ARHGAP15: variants seen among roughly 807,000 people sequenced by gnomAD.
ARHGAP15 encodes the protein rho GTPase-activating protein 15.
Under a neutral mutation model 63.7 loss-of-function variants are expected in ARHGAP15, and 51 were observed. The ratio of observed to expected loss-of-function variants is 0.80; its 90% CI spans 0.64 to 1.01. ARHGAP15 has a LOEUF of 1.01. Ranked by LOEUF, ARHGAP15 falls within the 50% of genes least tolerant of loss-of-function variation. The pLI, the probability that ARHGAP15 is intolerant of heterozygous loss-of-function variation, is 0.00. For missense variants in ARHGAP15, 560 were observed against 564.6 expected (o/e 0.99, Z 0.08); for synonymous variants, 191 against 193.8 (o/e 0.99, Z 0.12).
chr2:143,355,410 T>G (rs890525090), intron 6 of ARHGAP15, among the ~76,000 whole-genome samples: 1 of 152,182 alleles, frequency 6.6e-6, no homozygotes, highest in Non-Finnish European at 1.5e-5. Flanking sequence ...GTTATACATT[T>G]GCATGAAAGG....
Position 143,254,426 on chromosome 2 carries a change from A to AG in ARHGAP15, c.474+3826_474+3827insG, listed in dbSNP as rs58060035. On this transcript the variant is annotated intron_variant, in intron 6 of 13. Transcript: ENST00000295095. ...AGAACAAGTTTGTTTAAAAAAAAAA[A>AG]AAACTCTTATATCTTGTTTCTAAGT... Among the ~76,000 whole-genome samples the AG allele has an allele frequency of 8.4e-3, 1,279 of 152,044 alleles. 25 individuals are homozygous for AG. The highest frequency in any genetic ancestry group is 0.029 in the African/African-American group (1,189 of 41,500).
chr2:143,155,917 A>G (rs543493745), intron 2 of ARHGAP15, among the ~76,000 whole-genome samples: 3 of 151,856 alleles, frequency 2.0e-5, no homozygotes, highest in Non-Finnish European at 2.9e-5. Context: ...GGCCTCTACT[A>G]TCATGCTTCA....
chr2:143,175,078 T>A (rs956905860), intron 2 of ARHGAP15, among the ~76,000 whole-genome samples: 6 of 152,114 alleles, frequency 3.9e-5, no homozygotes, highest in Middle Eastern at 3.2e-3. Context: ...AAGTGGACAC[T>A]CTGTAGTGGT....
intron 9 of ARHGAP15, among the ~76,000 whole-genome samples, chr2:143,506,398 C>T (rs1380788291): frequency 1.3e-5 from 2 of 152,148 alleles, no homozygotes; most frequent in African/African-American, 2.4e-5. Context: ...TTTAATCCCC[C>T]TATAAAGTTC....
At chr2:143,451,816 C>T (rs928650210) in intron 8 of ARHGAP15, among the ~76,000 whole-genome samples, 4 of 151,926 alleles carry the variant, frequency 2.6e-5, no homozygotes, top group African/African-American at 9.7e-5. Context: ...TCATATGGAT[C>T]CAGCCACCCA....
intron 12 of ARHGAP15, among the ~76,000 whole-genome samples, chr2:143,639,947 T>G (rs1449283787): frequency 6.6e-6 from 1 of 152,114 alleles, no homozygotes; most frequent in East Asian, 1.9e-4. Flanking sequence ...ATTGTAAGAG[T>G]ATTTTTAGTT....
intron 6 of ARHGAP15, among the ~76,000 whole-genome samples, chr2:143,406,957 G>C (rs1688223161): frequency 6.6e-6 from 1 of 151,916 alleles, no homozygotes; most frequent in Admixed American, 6.6e-5. Context: ...GCCAGGTCTG[G>C]AAGTGGTGGA....
chr2:143,531,700 T>C (rs192130513), intron 10 of ARHGAP15, among the ~76,000 whole-genome samples: 311 of 152,310 alleles, frequency 2.0e-3, no homozygotes, highest in Middle Eastern at 0.014. Context: ...TATACAGATA[T>C]TGTGTCATTT....
chr2:143,356,145 G>A (rs189360442), intron 6 of ARHGAP15, among the ~76,000 whole-genome samples: 55 of 152,186 alleles, frequency 3.6e-4, no homozygotes, highest in African/African-American at 1.3e-3. Flanking sequence ...GTGTTGCTCG[G>A]AAGGTAATTT....
intron 9 of ARHGAP15, among the ~76,000 whole-genome samples, chr2:143,494,433 G>A (rs937680347): frequency 2.6e-5 from 4 of 152,138 alleles, no homozygotes; most frequent in Non-Finnish European, 5.9e-5. Flanking sequence ...CAATAGTGAG[G>A]ATGGCACATA....
At chr2:143,732,097 C>G (rs1685562352) in intron 13 of ARHGAP15, among the ~76,000 whole-genome samples, 1 of 152,194 alleles carries the variant, frequency 6.6e-6, no homozygotes, top group Non-Finnish European at 1.5e-5. Context: ...GGAACCTGTT[C>G]CTTTCACCAA....
At chr2:143,525,527 G>C (rs1259924516) in intron 10 of ARHGAP15, among the ~76,000 whole-genome samples, 1 of 151,872 alleles carries the variant, frequency 6.6e-6, no homozygotes, top group Non-Finnish European at 1.5e-5. Flanking sequence ...TTACAATGGA[G>C]GTGATCTTAA....
intron 10 of ARHGAP15, among the ~76,000 whole-genome samples, chr2:143,552,461 T>A (rs1255132228): frequency 6.6e-6 from 1 of 152,016 alleles, no homozygotes; most frequent in Non-Finnish European, 1.5e-5. Flanking sequence ...GAATTACTCA[T>A]AACAGCTGCA....
chr2:143,271,560 C>A (rs967664661), intron 6 of ARHGAP15, among the ~76,000 whole-genome samples: 1 of 152,234 alleles, frequency 6.6e-6, no homozygotes, highest in East Asian at 1.9e-4. Context: ...ACTGCAAGCT[C>A]CGCTTCCCGG....
chr2:143,538,095 A>G (rs1344362048), intron 10 of ARHGAP15, among the ~76,000 whole-genome samples: 1 of 152,082 alleles, frequency 6.6e-6, no homozygotes, highest in Non-Finnish European at 1.5e-5. Flanking sequence ...GGTCCTTCAC[A>G]TCCCTTGTAA....
Position 143,432,884 on chromosome 2 carries a change from G to A in ARHGAP15, c.475-2717G>A, listed in dbSNP as rs73964505. On this transcript the variant is annotated intron_variant, in intron 6 of 13. Transcript: ENST00000295095. ...AGGTTTCTAAGCAAGATGGAGACCAGCAGCTCTTATCTAAACCTGTTATGT... is the reference window on the plus strand; with the variant it reads ...AGGTTTCTAAGCAAGATGGAGACCAACAGCTCTTATCTAAACCTGTTATGT... 9.2e-3 allele frequency among the ~76,000 whole-genome samples: 1,398 copies of A among 152,104 alleles called. 23 individuals carry two copies. The highest frequency in any genetic ancestry group is 0.032 in the African/African-American group (1,329 of 41,536).
At chr2:143,190,698 T>A (rs1334419892) in intron 2 of ARHGAP15, among the ~76,000 whole-genome samples, 1 of 152,236 alleles carries the variant, frequency 6.6e-6, no homozygotes, top group Non-Finnish European at 1.5e-5. Context: ...CAGGCAGTCT[T>A]GACCATATCT....
intron 5 of ARHGAP15, among the ~76,000 whole-genome samples, chr2:143,233,464 T>G (rs1693525028): frequency 1.3e-5 from 2 of 152,110 alleles, no homozygotes; most frequent in South Asian, 4.1e-4. Context: ...AAATCACCTG[T>G]TAATATAACT....
intron 10 of ARHGAP15, among the ~76,000 whole-genome samples, chr2:143,545,028 T>C (rs1035504811): frequency 6.6e-6 from 1 of 152,198 alleles, no homozygotes; most frequent in Non-Finnish European, 1.5e-5. Flanking sequence ...CTATAATTTC[T>C]CAGAAGTTTC....
Sources: gnomAD v4.1 joint callset for allele counts (sites outside exome capture counted in the v4.1 genomes callset) on GRCh38, gnomAD v4.1.1 for gene constraint, MANE v1.5 for transcripts, NCBI Gene and HGNC (gene_info 2026-07-23, HGNC 2026-07-21) for gene names.